ODF2L: variants seen among roughly 807,000 people sequenced by gnomAD.
The protein encoded by ODF2L is protein BCAP.
ODF2L carries 76 observed loss-of-function variants against 86.3 expected under a neutral mutation model. The ratio of observed to expected loss-of-function variants is 0.88; its 90% CI spans 0.73 to 1.07. ODF2L has a LOEUF of 1.07. ODF2L is among the 50% of genes least tolerant of loss of function. The pLI is 0.00. For synonymous variants in ODF2L, 241 were observed against 231.3 expected (o/e 1.04, Z -0.38); for missense variants, 748 against 717.4 (o/e 1.04, Z -0.49).
At position 86,382,238 on chromosome 1, in the gene ODF2L, T is replaced by C. The variant is rs767844981; in HGVS notation, c.624+4A>G. ...ATAAAAATGGATATATATTTATATA[T>C]AACCTTTACATATTCTTTCAACTTA... is the stretch of plus-strand genomic sequence containing the variant. On this transcript the variant is annotated splice_donor_region_variant and intron_variant, in intron 7 of 17. Transcript: ENST00000317336. 2 of 1,601,112 alleles carry C rather than the reference T, an allele frequency of 1.2e-6. No individual in the cohort carries two copies. Among genetic ancestry groups the C allele is most frequent in the East Asian group, 2.3e-5 (1 of 44,418 alleles).
intron 7 of ODF2L, among the ~76,000 whole-genome samples, chr1:86,378,931 G>A (rs1263674396): frequency 6.6e-6 from 1 of 152,030 alleles, no homozygotes; most frequent in Non-Finnish European, 1.5e-5. Context: ...CCTGGTGGGA[G>A]GTGGTTGGAT....
chr1:86,356,554 C>T (rs778050742), exon 14 of ODF2L: 24 of 1,613,922 alleles, frequency 1.5e-5, no homozygotes, highest in Admixed American at 8.3e-5. Flanking sequence ...GTCAAGGAAT[C>T]GCAGACACGC....
At chr1:86,368,860 A>T in intron 10 of ODF2L, 2 of 650,568 alleles carry the variant, frequency 3.1e-6, no homozygotes, top group Non-Finnish European at 4.5e-6. Context: ...TTGACTATAT[A>T]TTACAAAGTA....
At chr1:86,380,981 C>CA (rs1324357262) in intron 7 of ODF2L, among the ~76,000 whole-genome samples, 14 of 148,448 alleles carry the variant, frequency 9.4e-5, no homozygotes, top group Admixed American at 2.0e-4. Flanking sequence ...AAAAACGAAA[C>CA]AAAAAAAAAC....
chr1:86,379,162 C>G (rs1478115386), intron 7 of ODF2L, among the ~76,000 whole-genome samples: 1 of 152,084 alleles, frequency 6.6e-6, no homozygotes, highest in African/African-American at 2.4e-5. Flanking sequence ...GAGCAGATGC[C>G]AGAATCATGC....
At chr1:86,385,311 A>T (rs1306115970) in intron 3 of ODF2L, 147 bp downstream of exon 3, 1 of 518,868 alleles carries the variant, frequency 1.9e-6, no homozygotes, top group East Asian at 3.0e-5. Flanking sequence ...AGTTAATGAC[A>T]CAGGAATAAA....
At chr1:86,376,161 C>A (rs961832727) in intron 8 of ODF2L, 72 bp downstream of exon 8, 32 of 761,262 alleles carry the variant, frequency 4.2e-5, no homozygotes, top group Non-Finnish European at 6.2e-5. Flanking sequence ...CTATATTAAG[C>A]ATCATGATAT....
chr1:86,356,451 T>C (rs1054462262), exon 14 of ODF2L: 6 of 1,600,562 alleles, frequency 3.7e-6, no homozygotes, highest in Non-Finnish European at 5.1e-6. Flanking sequence ...CACCTGGCCC[T>C]GAAGCTCCCT....
At chr1:86,372,996 G>T (rs1426878419) in intron 8 of ODF2L, among the ~76,000 whole-genome samples, 2 of 152,096 alleles carry the variant, frequency 1.3e-5, no homozygotes, top group Non-Finnish European at 2.9e-5. Context: ...AGGGGTAAAA[G>T]ACTACACATT....
intron 1 of ODF2L, among the ~76,000 whole-genome samples, chr1:86,394,078 G>A (rs1344321432): frequency 1.3e-5 from 2 of 152,160 alleles, no homozygotes; most frequent in African/African-American, 2.4e-5. Context: ...GCAGAGCACT[G>A]ACTGACCTTA....
chr1:86,374,199 T>G lies in ODF2L; in HGVS notation c.811-1659A>C, dbSNP rs568968997. Among the ~76,000 whole-genome samples the G allele has an allele frequency of 6.6e-5, 10 of 152,360 alleles. No individual in the cohort carries two copies. In the East Asian group the frequency reaches 1.3e-3, roughly 21 times the overall value. ...ACGTGCAAGACTTTTTTGTTTAAAT[T>G]TTTTCACAGGAATATTTTGATATAT... On this transcript the variant is annotated intron_variant, in intron 8 of 17. Coordinates refer to ENST00000317336, the Ensembl canonical transcript of ODF2L.
intron 7 of ODF2L, among the ~76,000 whole-genome samples, chr1:86,380,279 T>G (rs1474244344): frequency 6.6e-6 from 1 of 152,166 alleles, no homozygotes; most frequent in African/African-American, 2.4e-5. Context: ...AGATTTAGAT[T>G]TGATTTTTTT....
chr1:86,367,446 G>C (rs1472495637), intron 11 of ODF2L, among the ~76,000 whole-genome samples: 2 of 151,550 alleles, frequency 1.3e-5, no homozygotes, highest in Non-Finnish European at 2.9e-5. Context: ...CAGGCCTAGA[G>C]ACCAACCCAT....
chr1:86,382,940 C>A lies in ODF2L; in HGVS notation c.498G>T (p.Gln166His), dbSNP rs1177728555. The A allele has an allele frequency of 3.2e-6, 5 of 1,548,182 alleles. No homozygotes were observed. The Admixed American group carries it at 8.4e-5, about 26-fold the overall frequency. ...CTCAAATTTTGCTTACCTTTTCACT[C>A]TGAAACAAACAAGAAAGTTCTTGGA... The change falls in exon 6 of 18, where the codon CAG becomes CAT. Residue 166 changes from glutamine (Q) to histidine (H), a missense_variant. By Grantham distance (24) the Gln-to-His change is conservative (BLOSUM62 0). Transcript: ENST00000317336.
chr1:86,352,260 T>C, intron 17 of ODF2L: 1 of 1,428,094 alleles, frequency 7.0e-7, no homozygotes. Flanking sequence ...AGTAGACAGT[T>C]ATTACGTAAT....
intron 2 of ODF2L, chr1:86,385,954 T>G (rs1278130515): frequency 6.2e-6 from 1 of 160,148 alleles, no homozygotes; most frequent in African/African-American, 2.4e-5. Flanking sequence ...TCTTAGAGGC[T>G]ATGTCAAAAA....
At chr1:86,375,340 AG>A in intron 8 of ODF2L, among the ~76,000 whole-genome samples, 2 of 152,276 alleles carry the variant, frequency 1.3e-5, no homozygotes, top group South Asian at 4.1e-4. Flanking sequence ...CACATGAGAT[AG>A]GGAGTATTAT....
chr1:86,361,632 A>T (rs562151625), intron 11 of ODF2L, among the ~76,000 whole-genome samples: 1 of 152,360 alleles, frequency 6.6e-6, no homozygotes, highest in South Asian at 2.1e-4. Context: ...AAAAAGTATT[A>T]GCAAATGACA....
intron 11 of ODF2L, among the ~76,000 whole-genome samples, chr1:86,366,173 T>G (rs1209162021): frequency 6.6e-6 from 1 of 151,988 alleles, no homozygotes; most frequent in African/African-American, 2.4e-5. Flanking sequence ...TTTTATTGTC[T>G]CATTTGTAAA....
Sources: allele counts gnomAD v4.1 joint callset (sites outside exome capture counted in the v4.1 genomes callset), GRCh38; gene constraint gnomAD v4.1.1; transcripts MANE v1.5; gene names NCBI Gene and HGNC (gene_info 2026-07-23, HGNC 2026-07-21).